Variants in TMEM184B observed in about 807,000 individuals in gnomAD.
TMEM184B encodes transmembrane protein 184B, also known as putative MAPK-activating protein FM08.
A neutral mutation model predicts 41.8 loss-of-function variants in TMEM184B; 17 were observed. The ratio of observed to expected loss-of-function variants is 0.41; its 90% CI spans 0.28 to 0.61. The LOEUF (loss-of-function observed/expected upper bound fraction) is 0.61, where lower values mean the gene tolerates loss of function less well. Ranked by LOEUF, TMEM184B falls within the 20% of genes least tolerant of loss-of-function variation. The probability of loss-of-function intolerance (pLI) is 0.34; values close to 1 mark genes in which losing one functional copy is unlikely to be tolerated. For synonymous variants in TMEM184B, 240 were observed against 229.5 expected, an observed-to-expected ratio of 1.05 and a Z score of -0.41; for missense variants, 393 against 557.8, an observed-to-expected ratio of 0.70 and a Z score of 2.98.
downstream of TMEM184B, among the ~76,000 whole-genome samples, chr22:38,217,035 T>A (rs931136605): frequency 1.3e-5 from 2 of 149,604 alleles, no homozygotes; most frequent in Non-Finnish European, 3.0e-5. Flanking sequence ...AATTTAAAAG[T>A]AAGAAAACAG....
At chr22:38,243,157 C>T (rs537018838) in intron 3 of TMEM184B, among the ~76,000 whole-genome samples, 3 of 151,784 alleles carry the variant, frequency 2.0e-5, no homozygotes, top group South Asian at 2.1e-4. Context: ...AAGGGATAAT[C>T]GCGTTGCTAG....
intron 1 of TMEM184B, 33 bp from the exon 2 acceptor site, chr22:38,248,052 C>G: frequency 6.8e-7 from 1 of 1,472,606 alleles, no homozygotes; most frequent in Non-Finnish European, 9.0e-7. Context: ...TGAGTCTCCT[C>G]CCAGGGCAAG....
chr22:38,257,601 C>T (rs1428391016), intron 1 of TMEM184B, among the ~76,000 whole-genome samples: 5 of 152,100 alleles, frequency 3.3e-5, no homozygotes, highest in African/African-American at 1.2e-4. Context: ...GTGTATGAAC[C>T]CAGGAGGTTT....
chr22:38,260,346 G>A (rs893903639), intron 1 of TMEM184B, among the ~76,000 whole-genome samples: 23 of 152,072 alleles, frequency 1.5e-4, no homozygotes, highest in African/African-American at 2.4e-4. Context: ...GTGAGCCACC[G>A]CACCCGACCT....
intron 1 of TMEM184B, chr22:38,272,655 G>A (rs2092542901): frequency 1.0e-6 from 1 of 985,440 alleles, no homozygotes; most frequent in African/African-American, 1.7e-5. Flanking sequence ...GAAAGGGAGC[G>A]GGCACACCCA....
chr22:38,242,393 G>A (rs927219302), intron 3 of TMEM184B, among the ~76,000 whole-genome samples: 2 of 151,946 alleles, frequency 1.3e-5, no homozygotes, highest in Admixed American at 6.6e-5. Context: ...CAGGAGAATT[G>A]CTTGAACCCA....
Position 38,247,972 on chromosome 22 carries a change from A to G in TMEM184B, c.-11T>C. 1 of 1,563,238 alleles carries G rather than the reference A, an allele frequency of 6.4e-7. No individual in the cohort carries two copies. The highest frequency in any genetic ancestry group is 8.6e-7 in the Non-Finnish European group (1 of 1,160,628). On this transcript the variant is annotated 5_prime_UTR_variant, in exon 2 of 9. Transcript: ENST00000361906. ...CCCCCTCACTGTCATGGTGCCTGGC[A>G]GCAGGAGGCTCCCTGAGGGAAACCT...
intron 3 of TMEM184B, among the ~76,000 whole-genome samples, chr22:38,238,663 G>A (rs1278162361): frequency 1.3e-5 from 2 of 152,198 alleles, no homozygotes; most frequent in Admixed American, 1.3e-4. Context: ...CGGTTGGACA[G>A]TGAATGAAGC....
chr22:38,219,266 G>A (rs1308480475), downstream of TMEM184B: 4 of 985,520 alleles, frequency 4.1e-6, no homozygotes, highest in African/African-American at 1.7e-5. Context: ...CAGGGAGGAG[G>A]AAGGAAAAAC....
At position 38,219,638 on chromosome 22, in the gene TMEM184B, A is replaced by T. The variant is rs1362610633; in HGVS notation, c.*1831T>A. The T allele has an allele frequency of 5.1e-6, 5 of 985,374 alleles. No homozygotes were observed. Among genetic ancestry groups the T allele is most frequent in the Admixed American group, 6.2e-5 (1 of 16,258 alleles). 61.0% of individuals were successfully genotyped at this position (985,374 alleles called of 1,614,324 possible). A position where few individuals can be genotyped will look rare whatever the true frequency, so the allele number is the denominator to read the frequency against. On this transcript the variant is annotated 3_prime_UTR_variant, in exon 9 of 9. Transcript: ENST00000361906. Reference sequence around the variant, plus strand: ...CCCCACGGACCGCTGATTCCCTGCCACTGAGCTCCCCCCACCCTCCACGCA... The same window carrying T: ...CCCCACGGACCGCTGATTCCCTGCCTCTGAGCTCCCCCCACCCTCCACGCA...
chr22:38,242,220 C>T lies in TMEM184B; in HGVS notation c.358+3715G>A, dbSNP rs181746124. ...TGGTGGCTCACGCCTGTAATCCCAG[C>T]ACTTTGGGAGGCCAAGGCGGGCGGA... is the stretch of plus-strand genomic sequence containing the variant. On this transcript the variant is annotated intron_variant, in intron 3 of 8. Transcript: ENST00000361906. Among the ~76,000 whole-genome samples, 386 of 151,794 alleles carry T rather than the reference C, an allele frequency of 2.5e-3. 1 individual carries two copies. The highest frequency in any genetic ancestry group is 9.0e-3 in the African/African-American group (374 of 41,374).
At position 38,221,134 on chromosome 22, in the gene TMEM184B, G is replaced by A. The variant is rs1209173263; in HGVS notation, c.*335C>T. ...GAGGAGGGGCTAGAAGGCTGCAGCC[G>A]CTGGTCCACACACAAGCATTGGGGC... On this transcript the variant is annotated 3_prime_UTR_variant, in exon 9 of 9. Transcript: ENST00000361906. The A allele has an allele frequency of 7.0e-6, 8 of 1,147,396 alleles. No individual in the cohort carries two copies. The highest frequency in any genetic ancestry group is 3.0e-5 in the South Asian group (1 of 33,348). 71.1% of individuals were successfully genotyped at this position (1,147,396 alleles called of 1,614,324 possible).
intron 5 of TMEM184B, among the ~76,000 whole-genome samples, chr22:38,228,106 G>C (rs554577732): frequency 3.0e-4 from 46 of 152,284 alleles, no homozygotes; most frequent in African/African-American, 1.1e-3. Flanking sequence ...GGGAGCCCCA[G>C]GCAGCCCACA....
chr22:38,251,759 G>A lies in TMEM184B; in HGVS notation c.-58-3740C>T, dbSNP rs575042509. ...GGGGAAGCAGGGGCAATGCCATCTG[G>A]TGCAGCCTCTTTACTCCCGTGGGGA... On this transcript the variant is annotated intron_variant, in intron 1 of 8. Transcript: ENST00000361906. Among the ~76,000 whole-genome samples, 6 of 152,314 alleles carry A rather than the reference G, an allele frequency of 3.9e-5. No homozygotes were observed. The East Asian group carries it at 1.2e-3, about 29-fold the overall frequency.
chr22:38,246,843 C>A, intron 2 of TMEM184B: 1 of 1,302,532 alleles, frequency 7.7e-7, no homozygotes, highest in Non-Finnish European at 1.0e-6. Context: ...GGTGTCTCGT[C>A]CCAGCTCTCA....
chr22:38,256,514 C>A (rs2092282027), intron 1 of TMEM184B, among the ~76,000 whole-genome samples: 1 of 152,142 alleles, frequency 6.6e-6, no homozygotes, highest in African/African-American at 2.4e-5. Context: ...CAGGCGTGAG[C>A]CACCATGCCC....
rs963068748 is a variant in TMEM184B at position 38,225,074 on chromosome 22, G to C, written c.788-95C>G. ...CCCATTCAGCTGCCCACATGCCCCA[G>C]TGAGGATGTGAGCAGGGCCACAGCT... On this transcript the variant is annotated intron_variant, in intron 7 of 8. Coordinates refer to ENST00000361906, the MANE Select transcript of TMEM184B (RefSeq NM_012264.5). This position sits in a 1 kb window ranked among gnomAD's most constrained non-coding sequence, Gnocchi z 4.4. The C allele has an allele frequency of 7.2e-5, 97 of 1,353,362 alleles. No individual in the cohort carries two copies. The highest frequency in any genetic ancestry group is 9.0e-5 in the Non-Finnish European group (91 of 1,011,318). The allele number at this position is 1,353,362 out of a possible 1,614,324, so 83.8% of individuals were successfully genotyped here.
intron 5 of TMEM184B, among the ~76,000 whole-genome samples, chr22:38,229,090 T>A (rs1454023020): frequency 6.6e-6 from 1 of 152,222 alleles, no homozygotes; most frequent in Non-Finnish European, 1.5e-5. Flanking sequence ...CATGTTCAGG[T>A]GGAGGCTTTG....
At chr22:38,262,446 A>C (rs1019273653) in intron 1 of TMEM184B, among the ~76,000 whole-genome samples, 1 of 152,224 alleles carries the variant, frequency 6.6e-6, no homozygotes, top group African/African-American at 2.4e-5. Flanking sequence ...GGCAAAGGGA[A>C]CTATATGAGC....
Sources: gnomAD v4.1 joint callset for allele counts (sites outside exome capture counted in the v4.1 genomes callset) on GRCh38, gnomAD v4.1.1 for gene constraint, Gnocchi (gnomAD v3.1) non-coding constraint, MANE v1.5 for transcripts, NCBI Gene and HGNC (gene_info 2026-07-23, HGNC 2026-07-21) for gene names.